CNBD1: variants seen among roughly 807,000 people sequenced by gnomAD.
CNBD1 encodes the protein cyclic nucleotide binding domain containing 1.
Under a neutral mutation model 54.4 loss-of-function variants are expected in CNBD1, and 71 were observed. That is an observed-to-expected ratio of 1.30 (90% CI 1.08 to 1.59). The LOEUF (loss-of-function observed/expected upper bound fraction) is 1.59. Ranked by LOEUF, CNBD1 falls within the 40% of genes most tolerant of loss-of-function variation. The pLI, the probability that CNBD1 is intolerant of heterozygous loss-of-function variation, is 0.00. For missense variants in CNBD1, 659 were observed against 518.0 expected (o/e 1.27, Z -2.64); for synonymous variants, 182 against 170.7 (o/e 1.07, Z -0.51).
chr8:87,230,962 G>A (rs1376064097), intron 5 of CNBD1, among the ~76,000 whole-genome samples: 1 of 152,092 alleles, frequency 6.6e-6, no homozygotes, highest in Non-Finnish European at 1.5e-5. Context: ...TTCTTTATAA[G>A]TATTTAAAAA....
chr8:87,269,238 T>G (rs1356151606), intron 6 of CNBD1, among the ~76,000 whole-genome samples: 1 of 152,084 alleles, frequency 6.6e-6, no homozygotes, highest in Non-Finnish European at 1.5e-5. Flanking sequence ...TGTAGGTATA[T>G]GGCTTTATTT....
At chr8:87,284,948 G>A (rs899336149) in intron 7 of CNBD1, 133 bp downstream of exon 7, 2 of 633,490 alleles carry the variant, frequency 3.2e-6, no homozygotes, top group Non-Finnish European at 4.9e-6. Flanking sequence ...CCATAAAAAT[G>A]TTATTTGACA....
At chr8:87,136,006 C>T (rs973931984) in intron 4 of CNBD1, among the ~76,000 whole-genome samples, 1 of 151,988 alleles carries the variant, frequency 6.6e-6, no homozygotes. Flanking sequence ...GTTCAAAAAC[C>T]TATAATAGAG....
chr8:87,190,425 C>G (rs1003146803), intron 4 of CNBD1, among the ~76,000 whole-genome samples: 3 of 152,110 alleles, frequency 2.0e-5, no homozygotes, highest in African/African-American at 4.8e-5. Flanking sequence ...GCTGATTCCT[C>G]CATGCCATCT....
At chr8:87,225,653 T>G (rs977656037) in intron 5 of CNBD1, among the ~76,000 whole-genome samples, 1 of 152,248 alleles carries the variant, frequency 6.6e-6, no homozygotes, top group African/African-American at 2.4e-5. Context: ...AGTATGTTAT[T>G]GAGGATTTTT....
intron 4 of CNBD1, among the ~76,000 whole-genome samples, chr8:87,133,557 T>A (rs1812164474): frequency 1.3e-5 from 2 of 152,172 alleles, no homozygotes; most frequent in African/African-American, 4.8e-5. Flanking sequence ...TCCTGGGTTG[T>A]TCCCTTCACT....
At chr8:87,050,893 G>A (rs1157689645) in intron 4 of CNBD1, among the ~76,000 whole-genome samples, 2 of 152,082 alleles carry the variant, frequency 1.3e-5, no homozygotes, top group African/African-American at 4.8e-5. Flanking sequence ...TCAGCTTCTG[G>A]CTGTAGGGGG....
At chr8:87,287,302 A>C (rs765490266) in intron 8 of CNBD1, among the ~76,000 whole-genome samples, 2 of 152,158 alleles carry the variant, frequency 1.3e-5, no homozygotes, top group Non-Finnish European at 2.9e-5. Context: ...AGGGTTGCTA[A>C]ACCAAGAGGA....
At chr8:87,291,433 T>A (rs934411902) in intron 8 of CNBD1, among the ~76,000 whole-genome samples, 1 of 152,186 alleles carries the variant, frequency 6.6e-6, no homozygotes, top group Non-Finnish European at 1.5e-5. Context: ...CAAGAAATAT[T>A]TTCTGCTAAA....
chr8:86,907,899 G>A (rs1191996299), intron 3 of CNBD1, among the ~76,000 whole-genome samples: 5 of 152,124 alleles, frequency 3.3e-5, no homozygotes, highest in African/African-American at 4.8e-5. Context: ...TAGCAGACAT[G>A]AAATACCTAC....
At chr8:87,402,904 C>T (rs1417588234) in intron 2 of CNBD1, among the ~76,000 whole-genome samples, 1 of 151,956 alleles carries the variant, frequency 6.6e-6, no homozygotes, top group Non-Finnish European at 1.5e-5. Context: ...AAGAATGGAG[C>T]TACTGCTGTA....
intron 4 of CNBD1, among the ~76,000 whole-genome samples, chr8:87,139,700 C>T (rs151006834): frequency 6.6e-6 from 1 of 152,028 alleles, no homozygotes; most frequent in Non-Finnish European, 1.5e-5. Context: ...ACAACCAAGC[C>T]GAAGGACCGG....
chr8:87,291,561 A>T (rs1808786344), intron 8 of CNBD1, among the ~76,000 whole-genome samples: 1 of 151,746 alleles, frequency 6.6e-6, no homozygotes, highest in Non-Finnish European at 1.5e-5. Context: ...TAGTGTTATA[A>T]AAAAAAATGG....
intron 3 of CNBD1, among the ~76,000 whole-genome samples, chr8:86,931,983 A>C (rs976400023): frequency 1.3e-5 from 2 of 152,184 alleles, no homozygotes; most frequent in African/African-American, 4.8e-5. Flanking sequence ...TCCAGTCTCC[A>C]TGATCTGAGT....
At chr8:86,882,938 C>T (rs117646293) in intron 1 of CNBD1, among the ~76,000 whole-genome samples, 2,852 of 152,186 alleles carry the variant, frequency 0.019, 38 homozygotes, top group Non-Finnish European at 0.029. Context: ...CCAAATACCA[C>T]GTGTTTTCAC....
At chr8:86,894,627 T>C (rs2131797338) in intron 2 of CNBD1, among the ~76,000 whole-genome samples, 1 of 152,228 alleles carries the variant, frequency 6.6e-6, no homozygotes, top group Non-Finnish European at 1.5e-5. Context: ...TGTAATGACG[T>C]GTGTTCAATG....
Position 87,362,539 on chromosome 8 carries a change from C to T in CNBD1, c.1303+8753C>T, listed in dbSNP as rs373280000. 7.2e-5 allele frequency among the ~76,000 whole-genome samples: 11 copies of T among 152,170 alleles called. No individual in the cohort carries two copies. In the South Asian group the frequency reaches 2.3e-3, roughly 32 times the overall value. ...CTATTACTATAGCTAATGCTTGAGA[C>T]AGATTTTTAATCATAACCTTATTTA... On this transcript the variant is annotated intron_variant, in intron 10 of 10. Coordinates refer to ENST00000518476, the MANE Select transcript of CNBD1 (RefSeq NM_173538.3).
rs869060076 is a variant in CNBD1, at chr8:86,894,035, A to ATTTTTTTT, written c.158+6454_158+6461dup. On this transcript the variant is annotated intron_variant, in intron 2 of 10. Transcript: ENST00000518476. Reference sequence around the variant, plus strand: ...TTTATTCATATATTTTAATAGATTAATTTTTTTTTTTTTTTTTTTTTTTTT... The same window carrying ATTTTTTTT: ...TTTATTCATATATTTTAATAGATTAATTTTTTTTTTTTTTTTTTTTTTTTTTTTTTTTT... 4.2e-3 allele frequency among the ~76,000 whole-genome samples: 219 copies of ATTTTTTTT among 52,372 alleles called. 61 individuals are homozygous for ATTTTTTTT. Among genetic ancestry groups the ATTTTTTTT allele is most frequent in the Non-Finnish European group, 5.6e-3 (156 of 28,068 alleles). 34.4% of individuals were successfully genotyped at this position (52,372 alleles called of 152,430 possible).
intron 4 of CNBD1, among the ~76,000 whole-genome samples, chr8:87,144,794 T>C (rs2130742167): frequency 7.1e-6 from 1 of 140,460 alleles, no homozygotes; most frequent in Admixed American, 7.6e-5. Flanking sequence ...CACTCCAGCC[T>C]GGGCAAGGAG....
Sources: allele counts gnomAD v4.1 joint callset (sites outside exome capture counted in the v4.1 genomes callset), GRCh38; gene constraint gnomAD v4.1.1; transcripts MANE v1.5; gene names NCBI Gene and HGNC (gene_info 2026-07-23, HGNC 2026-07-21).